NT5M: variants seen among roughly 807,000 people sequenced by gnomAD.
NT5M encodes the protein 5',3'-nucleotidase, mitochondrial, also known as 5'(3')-deoxyribonucleotidase, mitochondrial.
A neutral mutation model predicts 22.2 loss-of-function variants in NT5M; 22 were observed. That is an observed-to-expected ratio of 0.99 (90% CI 0.71 to 1.41). NT5M has a LOEUF of 1.41. Among genes scored for constraint, NT5M ranks in the 40% most tolerant of loss-of-function variants. The probability of loss-of-function intolerance (pLI) is 0.00; values close to 1 mark genes in which losing one functional copy is unlikely to be tolerated. For missense variants in NT5M, 322 were observed against 314.8 expected (o/e 1.02, Z -0.17); for synonymous variants, 167 against 133.0 (o/e 1.26, Z -1.76).
intron 4 of NT5M, 21 bp from the exon 5 acceptor site, chr17:17,346,784 A>C: frequency 6.2e-7 from 1 of 1,605,388 alleles, no homozygotes; most frequent in South Asian, 1.1e-5. Flanking sequence ...GCTGAGCTGA[A>C]TGCCGCTTTC....
In NT5M at chr17:17,306,733, C is replaced by T. The variant is rs1406719110; in HGVS notation, c.368+90C>T. On this transcript the variant is annotated intron_variant, in intron 2 of 4. Coordinates refer to ENST00000389022, the MANE Select transcript of NT5M (RefSeq NM_020201.4). Reference sequence around the variant, plus strand: ...TCCTGCTTCTTCCCTCCTCTGCCTTCTCCTTTCTCTCTCCTTGGCCCTGCG... The same window carrying T: ...TCCTGCTTCTTCCCTCCTCTGCCTTTTCCTTTCTCTCTCCTTGGCCCTGCG... The T allele has an allele frequency of 4.4e-6, 4 of 900,896 alleles. No homozygotes were observed. The Admixed American group carries it at 5.4e-5, about 12-fold the overall frequency. 55.8% of individuals were successfully genotyped at this position (900,896 alleles called of 1,614,324 possible).
At chr17:17,310,921 G>T (rs2048910276) in intron 2 of NT5M, among the ~76,000 whole-genome samples, 1 of 152,132 alleles carries the variant, frequency 6.6e-6, no homozygotes, top group Non-Finnish European at 1.5e-5. Flanking sequence ...CACTTTGGGA[G>T]GCCAAGGCAG....
chr17:17,323,612 G>T (rs1401568064), intron 3 of NT5M, among the ~76,000 whole-genome samples: 1 of 152,202 alleles, frequency 6.6e-6, no homozygotes, highest in Non-Finnish European at 1.5e-5. Context: ...TATCTTTATT[G>T]AAAAGAATTA....
intron 3 of NT5M, among the ~76,000 whole-genome samples, chr17:17,329,116 T>C (rs1301783362): frequency 6.6e-6 from 1 of 152,178 alleles, no homozygotes; most frequent in East Asian, 1.9e-4. Flanking sequence ...TAGCTGGGAC[T>C]ACAGGTGCCT....
intron 2 of NT5M, among the ~76,000 whole-genome samples, chr17:17,308,609 T>TA (rs1435538975): frequency 6.6e-6 from 1 of 151,714 alleles, no homozygotes; most frequent in Admixed American, 6.6e-5. Context: ...AAAAGAGACA[T>TA]ACCGTGCAGT....
intron 3 of NT5M, among the ~76,000 whole-genome samples, chr17:17,343,428 G>A (rs1002258501): frequency 2.0e-5 from 3 of 152,242 alleles, no homozygotes; most frequent in African/African-American, 4.8e-5. Context: ...CTGGGACAGC[G>A]GTAGGGCTGG....
intron 3 of NT5M, among the ~76,000 whole-genome samples, chr17:17,340,565 C>T (rs1405384046): frequency 2.6e-5 from 4 of 151,512 alleles, no homozygotes; most frequent in African/African-American, 7.3e-5. Flanking sequence ...CTTGCTCTGT[C>T]GCCCAGGCTG....
intron 2 of NT5M, among the ~76,000 whole-genome samples, chr17:17,318,351 GCACC>G (rs2049076374): frequency 6.6e-6 from 1 of 151,792 alleles, no homozygotes; most frequent in African/African-American, 2.4e-5. Flanking sequence ...TTGGTGGCAG[GCACC>G]TGTAATCCCA....
intron 3 of NT5M, among the ~76,000 whole-genome samples, chr17:17,331,958 T>C (rs1448784468): frequency 6.6e-6 from 1 of 151,382 alleles, no homozygotes; most frequent in Non-Finnish European, 1.5e-5. Context: ...TTTTTTGTAT[T>C]TTTAGTAGAG....
intron 3 of NT5M, among the ~76,000 whole-genome samples, chr17:17,343,374 G>C (rs756081650): frequency 6.6e-6 from 1 of 152,170 alleles, no homozygotes; most frequent in African/African-American, 2.4e-5. Flanking sequence ...GGAGGTTGTC[G>C]TGGGTGGGCG....
At position 17,347,002 on chromosome 17, in the gene NT5M, CG is replaced by C; in HGVS notation, c.*59del. ...GGCTCTGACCTCAGGGCTCCCAGCT[CG>C]GGGCCTGTGGGGCCAGTATGCTGGT... is the stretch of plus-strand genomic sequence containing the variant. On this transcript the variant is annotated 3_prime_UTR_variant, in exon 5 of 5. Coordinates refer to ENST00000389022, the MANE Select transcript of NT5M (RefSeq NM_020201.4). 1 of 1,590,672 alleles carries C rather than the reference CG, an allele frequency of 6.3e-7. No individual in the cohort carries two copies.
chr17:17,306,776 C>G (rs780730506), intron 2 of NT5M, 133 bp downstream of exon 2: 1 of 664,050 alleles, frequency 1.5e-6, no homozygotes, highest in Non-Finnish European at 2.7e-6. Context: ...GCACTTGCCT[C>G]GTCATTGCTG....
intron 2 of NT5M, among the ~76,000 whole-genome samples, chr17:17,320,189 A>G (rs567527689): frequency 6.6e-6 from 1 of 152,246 alleles, no homozygotes; most frequent in African/African-American, 2.4e-5. Flanking sequence ...TACCCTTTTA[A>G]TATGTGCAGT....
chr17:17,303,735 C>T lies in NT5M; in HGVS notation c.185C>T (p.Pro62Leu). The change falls in exon 1 of 5, where the codon CCC becomes CTC. Residue 62 changes from proline to leucine, a missense_variant. Coordinates refer to ENST00000389022, the MANE Select transcript of NT5M (RefSeq NM_020201.4). The stretch of plus-strand genomic sequence containing the variant: ...CTCAGGAAGTTCCGCGCGCGCTTTC[C>T]CGACCAGCCCTTCATCGCGCTGGAG... ...GFLRKFRARF[P>L]DQPFIALEDR... is the part of the protein sequence containing the mutation. 1 of 1,590,790 alleles carries T rather than the reference C, an allele frequency of 6.3e-7. No homozygotes were observed. The highest frequency in any genetic ancestry group is 8.5e-7 in the Non-Finnish European group (1 of 1,170,806).
chr17:17,325,336 C>T (rs1374723613), intron 3 of NT5M, among the ~76,000 whole-genome samples: 1 of 151,874 alleles, frequency 6.6e-6, no homozygotes, highest in African/African-American at 2.4e-5. Flanking sequence ...ACACTCAGAC[C>T]CGATGTATCT....
In NT5M at chr17:17,336,642, C is replaced by T. The variant is rs541367184; in HGVS notation, c.430-8152C>T. Among the ~76,000 whole-genome samples, 101 of 151,838 alleles carry T rather than the reference C, an allele frequency of 6.7e-4. 2 individuals carry two copies. The highest frequency in any genetic ancestry group is 4.2e-3 in the South Asian group (20 of 4,790). On this transcript the variant is annotated intron_variant, in intron 3 of 4. Transcript: ENST00000389022. Reference sequence around the variant, plus strand: ...CTCTACTCACTGCAACCTCCGCCTCCCGGGTTCAAGTGATTCTCCTGCCTC... The same window carrying T: ...CTCTACTCACTGCAACCTCCGCCTCTCGGGTTCAAGTGATTCTCCTGCCTC...
At chr17:17,319,532 A>G (rs1331549067) in intron 2 of NT5M, among the ~76,000 whole-genome samples, 2 of 152,252 alleles carry the variant, frequency 1.3e-5, no homozygotes, top group Non-Finnish European at 2.9e-5. Flanking sequence ...TTATTTAACA[A>G]TTAGGACACA....
intron 2 of NT5M, among the ~76,000 whole-genome samples, chr17:17,317,908 G>A (rs543260461): frequency 7.0e-6 from 1 of 142,022 alleles, no homozygotes; most frequent in South Asian, 2.3e-4. Context: ...GTTGCAGTGA[G>A]CTGAGATCAT....
At chr17:17,335,516 A>T (rs1445197123) in intron 3 of NT5M, among the ~76,000 whole-genome samples, 1 of 152,180 alleles carries the variant, frequency 6.6e-6, no homozygotes, top group African/African-American at 2.4e-5. Context: ...AGATGTTTTG[A>T]TACAGGCATG....
Sources: gnomAD v4.1 joint callset for allele counts (sites outside exome capture counted in the v4.1 genomes callset) on GRCh38, gnomAD v4.1.1 for gene constraint, MANE v1.5 for transcripts, NCBI Gene and HGNC (gene_info 2026-07-23, HGNC 2026-07-21) for gene names.